Variants in EPOR observed in about 807,000 individuals in gnomAD.
EPOR encodes the protein erythropoietin receptor.
EPOR carries 20 observed loss-of-function variants against 34.3 expected under a neutral mutation model. The observed-to-expected ratio is 0.58, with a 90% confidence interval of 0.41 to 0.85. EPOR has a LOEUF of 0.85. Among genes scored for constraint, EPOR ranks in the 40% least tolerant of loss-of-function variants. The probability of loss-of-function intolerance (pLI) is 0.00; values close to 1 mark genes in which losing one functional copy is unlikely to be tolerated. For missense variants in EPOR, 601 were observed against 672.7 expected (o/e 0.89, Z 1.18); for synonymous variants, 312 against 299.0 (o/e 1.04, Z -0.45).
At position 11,380,767 on chromosome 19, in the gene EPOR, A is replaced by T. The variant is rs534469208; in HGVS notation, c.827+117T>A. On this transcript the variant is annotated intron_variant, in intron 6 of 7. Transcript: ENST00000222139. ...CATCCCAGCCCTGCCACTGATGTGA[A>T]TCCTTACTGCGTGACCTTGGGCAAG... 1.9e-5 allele frequency: 16 copies of T among 825,076 alleles called. No homozygotes were observed. In the African/African-American group the frequency reaches 2.5e-4, roughly 13 times the overall value. The allele number at this position is 825,076 out of a possible 1,614,324, so 51.1% of individuals were successfully genotyped here. A position where few individuals can be genotyped will look rare whatever the true frequency, so the allele number is the denominator to read the frequency against.
At position 11,378,642 on chromosome 19, in the gene EPOR, G is replaced by A. The variant is rs1968316531; in HGVS notation, c.916-47C>T. On this transcript the variant is annotated intron_variant, in intron 7 of 7. Coordinates refer to ENST00000222139, the MANE Select transcript of EPOR (RefSeq NM_000121.4). The surrounding 1 kb of genome is among the most constrained non-coding windows in gnomAD (Gnocchi z 5.3). ...GCTCAGAGAGGCCTGCAGTTTGGCT[G>A]CAAGAAGCAGGGAAGCCCAGGCACT... 6.2e-7 allele frequency: 1 copy of A among 1,614,146 alleles called. No homozygotes were observed. The highest frequency in any genetic ancestry group is 1.7e-5 in the Admixed American group (1 of 60,020).
rs551524426 is a variant in EPOR, at chr19:11,381,192, G to A, written c.603C>T (p.Gly201=). 3.2e-6 allele frequency: 5 copies of A among 1,549,866 alleles called. No homozygotes were observed. Among genetic ancestry groups the A allele is most frequent in the Non-Finnish European group, 2.6e-6 (3 of 1,147,288 alleles). ...GGTTGCTCAGCACACACTCGGTGCGGCCCTCCAGGATCTCCACCTGGGGGC... is the reference window on the plus strand; with the variant it reads ...GGTTGCTCAGCACACACTCGGTGCGACCCTCCAGGATCTCCACCTGGGGGC... The part of the protein sequence containing the change: ...GSVQRVEILE[G]RTECVLSNLR... The change falls in exon 5 of 8, where the codon GGC becomes GGT. Residue 201 remains glycine (G), a synonymous_variant. Coordinates refer to ENST00000222139, the MANE Select transcript of EPOR (RefSeq NM_000121.4). This position sits in a 1 kb window ranked among gnomAD's most constrained non-coding sequence, Gnocchi z 5.3.
intron 6 of EPOR, among the ~76,000 whole-genome samples, chr19:11,380,423 C>T (rs1968339838): frequency 6.6e-6 from 1 of 152,196 alleles, no homozygotes; most frequent in African/African-American, 2.4e-5. Flanking sequence ...GCAGGAAGGG[C>T]ATTCCAGGCA....
At position 11,377,861 on chromosome 19, in the gene EPOR, G is replaced by C; in HGVS notation, c.*123C>G. The C allele has an allele frequency of 8.2e-7, 1 of 1,219,918 alleles. No homozygotes were observed. The highest frequency in any genetic ancestry group is 1.2e-6 in the Non-Finnish European group (1 of 829,436). The allele number at this position is 1,219,918 out of a possible 1,614,324, so 75.6% of individuals were successfully genotyped here. ...TGGTTTCCTGAGCAGGATGGATTGG[G>C]CAGACAAAATCAGCAATGCCCCTGC... On this transcript the variant is annotated 3_prime_UTR_variant, in exon 8 of 8. Transcript: ENST00000222139.
At position 11,381,307 on chromosome 19, in the gene EPOR, C is replaced by T. The variant is rs1475715626; in HGVS notation, c.586-98G>A. The T allele has an allele frequency of 2.2e-6, 3 of 1,379,090 alleles. No individual in the cohort carries two copies. Among genetic ancestry groups the T allele is most frequent in the Admixed American group, 2.0e-5 (1 of 50,540 alleles). 85.4% of individuals were successfully genotyped at this position (1,379,090 alleles called of 1,614,324 possible). Reference sequence around the variant, plus strand: ...CTGAGCCAATCAGGGGAAAGGAAAACGGTGCCCTAGAATTGCAATGGGACC... The same window carrying T: ...CTGAGCCAATCAGGGGAAAGGAAAATGGTGCCCTAGAATTGCAATGGGACC... On this transcript the variant is annotated intron_variant, in intron 4 of 7. Coordinates refer to ENST00000222139, the MANE Select transcript of EPOR (RefSeq NM_000121.4). The surrounding 1 kb of genome is among the most constrained non-coding windows in gnomAD (Gnocchi z 5.3).
At position 11,380,833 on chromosome 19, in the gene EPOR, G is replaced by A. The variant is rs760060693; in HGVS notation, c.827+51C>T. The A allele has an allele frequency of 8.5e-6, 12 of 1,409,686 alleles. No individual in the cohort carries two copies. The African/African-American group carries it at 1.6e-4, about 18-fold the overall frequency. 87.3% of individuals were successfully genotyped at this position (1,409,686 alleles called of 1,614,324 possible). ...GAGCCTAGGTTTCCATAGTGAAAGA[G>A]GACCGTTGGCGGGGAGGAGTCTGGG... On this transcript the variant is annotated intron_variant, in intron 6 of 7. Coordinates refer to ENST00000222139, the MANE Select transcript of EPOR (RefSeq NM_000121.4).
chr19:11,378,850 AGTCATAGAG>A lies in EPOR; in HGVS notation c.828-81_828-73del. 7.0e-7 allele frequency: 1 copy of A among 1,432,404 alleles called. No homozygotes were observed. The allele number at this position is 1,432,404 out of a possible 1,614,324, so 88.7% of individuals were successfully genotyped here. On this transcript the variant is annotated intron_variant, in intron 6 of 7. Transcript: ENST00000222139. This position sits in a 1 kb window ranked among gnomAD's most constrained non-coding sequence, Gnocchi z 5.3. ...ACTCACCAATTCCCCCTCCACTCCCAGTCATAGAGGCACAGATACACTTGGTCCCTGTGA... is the reference window on the plus strand; with the variant it reads ...ACTCACCAATTCCCCCTCCACTCCCAGCACAGATACACTTGGTCCCTGTGA...
At position 11,381,196 on chromosome 19, in the gene EPOR, T is replaced by A; in HGVS notation, c.599A>T (p.Glu200Val). The change falls in exon 5 of 8, where the codon GAG becomes GTG. Residue 200 changes from glutamate (E) to valine (V), a missense_variant. By Grantham distance (121) the Glu-to-Val change is moderately radical. Coordinates refer to ENST00000222139, the MANE Select transcript of EPOR (RefSeq NM_000121.4). The surrounding 1 kb of genome is among the most constrained non-coding windows in gnomAD (Gnocchi z 5.3). The part of the protein sequence containing the change: ...AGSVQRVEIL[E>V]GRTECVLSNL... Reference sequence around the variant, plus strand: ...GCTCAGCACACACTCGGTGCGGCCCTCCAGGATCTCCACCTGGGGGCGGAA... The same window carrying A: ...GCTCAGCACACACTCGGTGCGGCCCACCAGGATCTCCACCTGGGGGCGGAA... 1 of 1,549,368 alleles carries A rather than the reference T, an allele frequency of 6.5e-7. No homozygotes were observed. The highest frequency in any genetic ancestry group is 8.7e-7 in the Non-Finnish European group (1 of 1,147,118).
chr19:11,379,065 A>C (rs1181152324), intron 6 of EPOR, among the ~76,000 whole-genome samples: 3 of 152,126 alleles, frequency 2.0e-5, no homozygotes, highest in Admixed American at 1.3e-4. Context: ...TTACACCAGC[A>C]CTATAATCCC....
chr19:11,380,902 G>A lies in EPOR; in HGVS notation c.809C>T (p.Ala270Val). ...AGCTCACCGGCGGTGGGAGAGCAGC[G>A]CGAGCACGGTCAGCAGCACCAGGAT... Reference protein sequence around the residue: ...VVILVLLTVLALLSHRRALKQ... With the variant: ...VVILVLLTVLVLLSHRRALKQ... The change falls in exon 6 of 8, where the codon GCG becomes GTG. Residue 270 changes from alanine (A) to valine (V), a missense_variant. Ala to Val is a moderately conservative substitution (Grantham distance 64, BLOSUM62 0). Coordinates refer to ENST00000222139, the MANE Select transcript of EPOR (RefSeq NM_000121.4). 6.4e-7 allele frequency: 1 copy of A among 1,551,694 alleles called. No individual in the cohort carries two copies. Among genetic ancestry groups the A allele is most frequent in the Non-Finnish European group, 8.7e-7 (1 of 1,146,940 alleles).
chr19:11,382,048 C>T lies in EPOR; in HGVS notation c.309G>A (p.Val103=), dbSNP rs370023439. The change falls in exon 3 of 8, where the codon GTG becomes GTA. Residue 103 remains valine, a synonymous_variant. Transcript: ENST00000222139. The part of the protein sequence containing the change: ...LHQAPTARGA[V]RFWCSLPTAD... The stretch of plus-strand genomic sequence containing the variant: ...CTGTAGGCAGCGAACACCAGAAGCG[C>T]ACCGCACCACGAGCCGTGGGAGCCT... The T allele has an allele frequency of 1.3e-5, 21 of 1,614,010 alleles. No homozygotes were observed. Among genetic ancestry groups the T allele is most frequent in the Non-Finnish European group, 1.8e-5 (21 of 1,180,026 alleles).
rs756423201 is a variant in EPOR, at chr19:11,381,850, C to G, written c.428-1G>C. On this transcript the variant is annotated splice_acceptor_variant, in intron 3 of 7. Coordinates refer to ENST00000222139, the MANE Select transcript of EPOR (RefSeq NM_000121.4). LOFTEE classifies it high-confidence loss of function. This position sits in a 1 kb window ranked among gnomAD's most constrained non-coding sequence, Gnocchi z 5.3. ...AGCCCCACGGGGGCGTCTAGGAGCA[C>G]TGCAGGCATGGGGGTTGGTCAGGTG... 6.2e-7 allele frequency: 1 copy of G among 1,614,184 alleles called. No individual in the cohort carries two copies. Among genetic ancestry groups the G allele is most frequent in the Admixed American group, 1.7e-5 (1 of 60,032 alleles).
intron 6 of EPOR, among the ~76,000 whole-genome samples, chr19:11,379,553 C>T (rs969380813): frequency 4.0e-5 from 6 of 150,610 alleles, no homozygotes; most frequent in African/African-American, 1.5e-4. Flanking sequence ...ACAGCTTGGG[C>T]GACAAGAGTG....
Position 11,381,421 on chromosome 19 carries a change from A to G in EPOR, c.586-212T>C, listed in dbSNP as rs1968356647. 4.4e-6 allele frequency: 3 copies of G among 684,670 alleles called. No homozygotes were observed. Among genetic ancestry groups the G allele is most frequent in the Admixed American group, 2.7e-5 (1 of 37,094 alleles). 42.4% of individuals were successfully genotyped at this position (684,670 alleles called of 1,614,324 possible). On this transcript the variant is annotated intron_variant, in intron 4 of 7. Transcript: ENST00000222139. The surrounding 1 kb of genome is among the most constrained non-coding windows in gnomAD (Gnocchi z 5.3). Reference sequence around the variant, plus strand: ...GAAAGGGCGGGACCCGGGCAATTTAATATCTGGGCTAGCACTCGTAGAGGG... The same window carrying G: ...GAAAGGGCGGGACCCGGGCAATTTAGTATCTGGGCTAGCACTCGTAGAGGG...
chr19:11,381,965 G>A lies in EPOR; in HGVS notation c.392C>T (p.Pro131Leu). The change falls in exon 3 of 8, where the codon CCG (proline) becomes CTG (leucine). Residue 131 changes from proline (P) to leucine (L), a missense_variant. Physicochemically the swap from Pro to Leu is moderately conservative, Grantham distance 98 (BLOSUM62 -3). Transcript: ENST00000222139. This position sits in a 1 kb window ranked among gnomAD's most constrained non-coding sequence, Gnocchi z 5.3. ...ELRVTAASGA[P>L]RYHRVIHINE... The stretch of plus-strand genomic sequence containing the variant: ...GATGTGGATGACACGGTGATATCGC[G>A]GAGCGCCGGAGGCTGCTGTGACGCG... The A allele has an allele frequency of 6.2e-7, 1 of 1,614,202 alleles. No individual in the cohort carries two copies. Among genetic ancestry groups the A allele is most frequent in the Admixed American group, 1.7e-5 (1 of 60,026 alleles).
At chr19:11,382,185 A>G in intron 2 of EPOR, 80 bp from the exon 3 acceptor site, 1 of 1,169,582 alleles carries the variant, frequency 8.6e-7, no homozygotes, top group Non-Finnish European at 1.2e-6. Flanking sequence ...GGCAGTGTGT[A>G]TGTGTGACAC....
chr19:11,377,773 A>G lies in EPOR; in HGVS notation c.*211T>C, dbSNP rs1238889825. 5 of 703,934 alleles carry G rather than the reference A, an allele frequency of 7.1e-6. No individual in the cohort carries two copies. The highest frequency in any genetic ancestry group is 1.3e-5 in the Non-Finnish European group (5 of 389,690). The allele number at this position is 703,934 out of a possible 1,614,324, so 43.6% of individuals were successfully genotyped here. A position where few individuals can be genotyped will look rare whatever the true frequency, so the allele number is the denominator to read the frequency against. ...TCATGGTAGAAAAACTTACATACAT[A>G]TGTGTATATATATATATAGATACAA... On this transcript the variant is annotated 3_prime_UTR_variant, in exon 8 of 8. Coordinates refer to ENST00000222139, the MANE Select transcript of EPOR (RefSeq NM_000121.4).
Position 11,377,631 on chromosome 19 carries a change from T to C in EPOR, c.*353A>G, listed in dbSNP as rs764896894. 11 of 484,118 alleles carry C rather than the reference T, an allele frequency of 2.3e-5. No homozygotes were observed. The highest frequency in any genetic ancestry group is 1.2e-3 in the Middle Eastern group (2 of 1,614). The allele number at this position is 484,118 out of a possible 1,614,324, so 30.0% of individuals were successfully genotyped here. On this transcript the variant is annotated 3_prime_UTR_variant, in exon 8 of 8. Coordinates refer to ENST00000222139, the MANE Select transcript of EPOR (RefSeq NM_000121.4). ...AGCTGTTTAACATACTATTTTGTTA[T>C]GTTATGAGTAGCATTCAGATTGCAG... is the stretch of plus-strand genomic sequence containing the variant.
In EPOR at chr19:11,378,730, C is replaced by G; in HGVS notation, c.876G>C (p.Glu292Asp). 1 of 1,614,224 alleles carries G rather than the reference C, an allele frequency of 6.2e-7. No individual in the cohort carries two copies. Among genetic ancestry groups the G allele is most frequent in the Non-Finnish European group, 8.5e-7 (1 of 1,180,046 alleles). ...TGTGGGTGGTGAAGAGGCCTTCAAA[C>G]TCGCTCTCTGGGCTCGGGATGCCAG... The part of the protein sequence containing the change: ...IWPGIPSPES[E>D]FEGLFTTHKG... The change falls in exon 7 of 8, where the codon GAG (glutamate) becomes GAC (aspartate). Residue 292 changes from glutamate (E) to aspartate (D), a missense_variant. Coordinates refer to ENST00000222139, the MANE Select transcript of EPOR (RefSeq NM_000121.4). The surrounding 1 kb of genome is among the most constrained non-coding windows in gnomAD (Gnocchi z 5.3).
Sources: allele counts gnomAD v4.1 joint callset (sites outside exome capture counted in the v4.1 genomes callset), GRCh38; gene constraint gnomAD v4.1.1; non-coding constraint Gnocchi (gnomAD v3.1); transcripts MANE v1.5; gene names NCBI Gene and HGNC (gene_info 2026-07-23, HGNC 2026-07-21).